ADAMTS1: variants seen among roughly 807,000 people sequenced by gnomAD.
ADAMTS1 encodes the protein ADAM metallopeptidase with thrombospondin type 1 motif 1, also known as A disintegrin and metalloproteinase with thrombospondin motifs 1.
In ADAMTS1, 19 loss-of-function variants were observed where a neutral mutation model predicts 87.9. That is an observed-to-expected ratio of 0.22 (90% CI 0.15 to 0.32). ADAMTS1 has a LOEUF of 0.32. Among genes scored for constraint, ADAMTS1 ranks in the 10% least tolerant of loss-of-function variants. The pLI, the probability that ADAMTS1 is intolerant of heterozygous loss-of-function variation, is 1.00. For missense variants in ADAMTS1, 1,240 were observed against 1,259.1 expected, an observed-to-expected ratio of 0.98 and a Z score of 0.23; for synonymous variants, 542 against 501.8, an observed-to-expected ratio of 1.08 and a Z score of -1.07.
In ADAMTS1 at chr21:26,839,485, T is replaced by C. The variant is rs1985444608; in HGVS notation, c.2028+102A>G. 3.7e-6 allele frequency: 4 copies of C among 1,067,376 alleles called. No homozygotes were observed. In the East Asian group the frequency reaches 1.0e-4, roughly 27 times the overall value. 66.1% of individuals were successfully genotyped at this position (1,067,376 alleles called of 1,614,324 possible). A position where few individuals can be genotyped will look rare whatever the true frequency, so the allele number is the denominator to read the frequency against. On this transcript the variant is annotated intron_variant, in intron 7 of 8. Coordinates refer to ENST00000284984, the MANE Select transcript of ADAMTS1 (RefSeq NM_006988.5). ...AGGAGTTCAAATTTGAAATTGAAGATATGTTAATATGGAAAGCAAAGAAAG... is the reference window on the plus strand; with the variant it reads ...AGGAGTTCAAATTTGAAATTGAAGACATGTTAATATGGAAAGCAAAGAAAG...
Position 26,844,256 on chromosome 21 carries a change from G to T in ADAMTS1, c.699C>A (p.Asp233Glu). Reference sequence around the variant, plus strand: ...GCTGTCCTACGCCTTGCAGTGCCGGGTCCTGCGGCGACCACTGAGCCCCTT... The same window carrying T: ...GCTGTCCTACGCCTTGCAGTGCCGGTTCCTGCGGCGACCACTGAGCCCCTT... The part of the protein sequence containing the change: ...EDEGAQWSPQ[D>E]PALQGVGQPT... Residue 233 changes from aspartate (D) to glutamate (E), a missense_variant, in exon 1 of 9, where the codon GAC (aspartate) becomes GAA (glutamate). Physicochemically the swap from Asp to Glu is conservative, Grantham distance 45. Coordinates refer to ENST00000284984, the MANE Select transcript of ADAMTS1 (RefSeq NM_006988.5). The T allele has an allele frequency of 6.3e-7, 1 of 1,582,234 alleles. No individual in the cohort carries two copies. Among genetic ancestry groups the T allele is most frequent in the Non-Finnish European group, 8.6e-7 (1 of 1,164,524 alleles).
At chr21:26,838,780 T>C (rs960169290) in intron 7 of ADAMTS1, 166 bp from the exon 8 acceptor site, 1 of 631,136 alleles carries the variant, frequency 1.6e-6, no homozygotes, top group Non-Finnish European at 2.7e-6. Flanking sequence ...GGCATATTTT[T>C]CAGTACTACG....
chr21:26,839,598 AAACG>A lies in ADAMTS1; in HGVS notation c.2013_2016del (p.Val672CysfsTer6). ...TAAAAACGAACTACCTTGGGCTGCA[AAACG>A]AAGAAGTAGCCAATGCCTTTGGCTT... is the stretch of plus-strand genomic sequence containing the variant. On this transcript the variant is annotated frameshift_variant, in exon 7 of 9. Transcript: ENST00000284984. LOFTEE classifies it high-confidence loss of function. 6.3e-7 allele frequency: 1 copy of A among 1,599,962 alleles called. No homozygotes were observed. Among genetic ancestry groups the A allele is most frequent in the Non-Finnish European group, 8.5e-7 (1 of 1,169,644 alleles).
intron 2 of ADAMTS1, 131 bp downstream of exon 2, chr21:26,842,208 A>C: frequency 2.9e-6 from 3 of 1,037,506 alleles, no homozygotes; most frequent in Non-Finnish European, 4.1e-6. Flanking sequence ...GAAATGAGTA[A>C]GATAAACCAT....
rs138352610 is a variant in ADAMTS1 at position 26,841,994 on chromosome 21, C to CA, written c.1078-5dup. On this transcript the variant is annotated splice_region_variant and splice_polypyrimidine_tract_variant and intron_variant, in intron 2 of 8. Coordinates refer to ENST00000284984, the MANE Select transcript of ADAMTS1 (RefSeq NM_006988.5). ...ATGTCTGGGACCCACACAAGTCCTA[C>CA]AAAAAGCAAAGGTAAATACTTATTA... is the stretch of plus-strand genomic sequence containing the variant. 3,417 of 1,612,086 alleles carry CA rather than the reference C, an allele frequency of 2.1e-3. 39 individuals carry two copies. The African/African-American group carries it at 0.033, about 16-fold the overall frequency.
At position 26,844,395 on chromosome 21, in the gene ADAMTS1, C is replaced by A; in HGVS notation, c.560G>T (p.Arg187Leu). The A allele has an allele frequency of 1.3e-6, 2 of 1,595,340 alleles. No homozygotes were observed. Among genetic ancestry groups the A allele is most frequent in the Admixed American group, 3.4e-5 (2 of 58,460 alleles). Residue 187 changes from arginine (R) to leucine (L), a missense_variant, in exon 1 of 9, where the codon CGG becomes CTG. Arg to Leu is a moderately radical substitution (Grantham distance 102). This residue lies in a region of ADAMTS1 where 521 missense variants were observed against 449.7 expected (regional missense o/e 1.16). Transcript: ENST00000284984. ...GCCGACGTCGCCCTGCCGATTCCGC[C>A]GCAGGAGGTGGAACTGTAGTGGTGC... ...PPAPLQFHLLRRNRQGDVGGT... is the reference protein window; with the variant it reads ...PPAPLQFHLLLRNRQGDVGGT...
rs1985471086 is a variant in ADAMTS1 at position 26,840,509 on chromosome 21, G to A, written c.1432C>T (p.Pro478Ser). The A allele has an allele frequency of 6.2e-7, 1 of 1,614,252 alleles. No homozygotes were observed. The highest frequency in any genetic ancestry group is 8.5e-7 in the Non-Finnish European group (1 of 1,180,048). ...CGGTTGGCATCGTACGAGGTGCCAG[G>A]GAGATCGCCTGGGAGCTGTATGGGA... The part of the protein sequence containing the change: ...QNPIQLPGDL[P>S]GTSYDANRQC... Residue 478 changes from proline to serine, a missense_variant, in exon 5 of 9, where the codon CCT becomes TCT. Transcript: ENST00000284984.
At position 26,844,550 on chromosome 21, in the gene ADAMTS1, C is replaced by A; in HGVS notation, c.405G>T (p.Ser135=). 6.2e-7 allele frequency: 1 copy of A among 1,608,984 alleles called. No individual in the cohort carries two copies. The highest frequency in any genetic ancestry group is 8.5e-7 in the Non-Finnish European group (1 of 1,178,104). ...YSGTVNGDPS[S]AAALSLCEGV... is the part of the protein sequence containing the mutation. ...CCTCGCAGAGGCTGAGGGCGGCAGC[C>A]GAGCTGGGATCGCCATTCACGGTGC... Residue 135 remains serine, a synonymous_variant, in exon 1 of 9, where the codon TCG becomes TCT. Coordinates refer to ENST00000284984, the MANE Select transcript of ADAMTS1 (RefSeq NM_006988.5).
intron 5 of ADAMTS1, 87 bp from the exon 6 acceptor site, chr21:26,840,148 A>C: frequency 6.5e-7 from 1 of 1,547,166 alleles, no homozygotes; most frequent in South Asian, 1.3e-5. Flanking sequence ...ACAAAGAATC[A>C]GTTCTAAAAA....
chr21:26,843,536 G>A, intron 1 of ADAMTS1: 1 of 470,552 alleles, frequency 2.1e-6, no homozygotes, highest in East Asian at 7.0e-5. Flanking sequence ...GGAAGGACCG[G>A]CAGTGACTTT....
chr21:26,840,081 A>G lies in ADAMTS1; in HGVS notation c.1666-20T>C. ...AGGCGTCTAAATGGAGACATAAATCATCAGCATTAGAATTATCTAAAGAGA... is the reference window on the plus strand; with the variant it reads ...AGGCGTCTAAATGGAGACATAAATCGTCAGCATTAGAATTATCTAAAGAGA... On this transcript the variant is annotated intron_variant, in intron 5 of 8. Transcript: ENST00000284984. 1 of 1,608,718 alleles carries G rather than the reference A, an allele frequency of 6.2e-7. No individual in the cohort carries two copies. The highest frequency in any genetic ancestry group is 1.3e-5 in the African/African-American group (1 of 74,734).
rs1169700811 is a variant in ADAMTS1, at chr21:26,842,439, G to T, written c.977C>A (p.Ala326Asp). 3.7e-6 allele frequency: 6 copies of T among 1,614,020 alleles called. No homozygotes were observed. Among genetic ancestry groups the T allele is most frequent in the Non-Finnish European group, 4.2e-6 (5 of 1,180,048 alleles). The change falls in exon 2 of 9, where the codon GCC becomes GAC. Residue 326 changes from alanine (A) to aspartate (D), a missense_variant. Physicochemically the swap from Ala to Asp is moderately radical, Grantham distance 126 (BLOSUM62 -2). Coordinates refer to ENST00000284984, the MANE Select transcript of ADAMTS1 (RefSeq NM_006988.5). ...GTTGCAAAAGTTCCGCAGAGTGAGG[G>T]CAGCATTGGAGGTCACTTCCGGCCC... Reference protein sequence around the residue: ...QKGPEVTSNAALTLRNFCNWQ... With the variant: ...QKGPEVTSNADLTLRNFCNWQ...
chr21:26,840,591 T>A lies in ADAMTS1; in HGVS notation c.1379-29A>T, dbSNP rs75914252. ...CAAAGGAAATGCCAACCAATATCAATACAGAGTTAGTGAGGGCATGAAGGG... is the reference window on the plus strand; with the variant it reads ...CAAAGGAAATGCCAACCAATATCAAAACAGAGTTAGTGAGGGCATGAAGGG... On this transcript the variant is annotated intron_variant, in intron 4 of 8. Coordinates refer to ENST00000284984, the MANE Select transcript of ADAMTS1 (RefSeq NM_006988.5). 8.8e-4 allele frequency: 1,415 copies of A among 1,606,784 alleles called. 13 individuals are homozygous for A. In the African/African-American group the frequency reaches 0.017, roughly 19 times the overall value.
intron 1 of ADAMTS1, chr21:26,843,740 A>G (rs400852): frequency 0.23 from 112,202 of 498,576 alleles, 13,485 homozygotes; most frequent in South Asian, 0.31. Flanking sequence ...CGCTCAGGGT[A>G]CCTTCCCAGG....
At chr21:26,838,365 C>G in intron 8 of ADAMTS1, 74 bp downstream of exon 8, 1 of 1,584,918 alleles carries the variant, frequency 6.3e-7, no homozygotes, top group African/African-American at 1.4e-5. Flanking sequence ...TTTTATGAGA[C>G]ATATTTTTTT....
chr21:26,842,396 G>C lies in ADAMTS1; in HGVS notation c.1020C>G (p.Asn340Lys). 3.1e-6 allele frequency: 5 copies of C among 1,614,164 alleles called. No individual in the cohort carries two copies. Among genetic ancestry groups the C allele is most frequent in the Non-Finnish European group, 4.2e-6 (5 of 1,180,028 alleles). The change falls in exon 2 of 9, where the codon AAC (asparagine) becomes AAG (lysine). Residue 340 changes from asparagine to lysine, a missense_variant. By Grantham distance (94) the Asn-to-Lys change is moderately conservative. Around this residue, in one of 3 missense-constraint regions of ADAMTS1, gnomAD observed 317 missense variants for 410.3 expected, o/e 0.77. Transcript: ENST00000284984. ...RNFCNWQKQH[N>K]PPSDRDAEHY... ...GCTCTGCATCCCGGTCACTGGGTGG[G>C]TTGTGCTGCTTCTGCCAGTTGCAAA...
At position 26,845,266 on chromosome 21, in the gene ADAMTS1, C is replaced by G; in HGVS notation, c.-312G>C. 1 of 300,932 alleles carries G rather than the reference C, an allele frequency of 3.3e-6. No homozygotes were observed. Among genetic ancestry groups the G allele is most frequent in the Non-Finnish European group, 6.1e-6 (1 of 164,020 alleles). 18.6% of individuals were successfully genotyped at this position (300,932 alleles called of 1,614,324 possible). ...GGGCGCCTCCGGGGCTGAGGCAACG[C>G]GGAGATTGGTGCCTGGCGCCCCTCT... is the stretch of plus-strand genomic sequence containing the variant. On this transcript the variant is annotated 5_prime_UTR_variant, in exon 1 of 9. Coordinates refer to ENST00000284984, the MANE Select transcript of ADAMTS1 (RefSeq NM_006988.5).
rs760773800 is a variant in ADAMTS1 at position 26,844,884 on chromosome 21, G to C, written c.71C>G (p.Ala24Gly). 6.5e-7 allele frequency: 1 copy of C among 1,536,098 alleles called. No homozygotes were observed. Among genetic ancestry groups the C allele is most frequent in the Non-Finnish European group, 8.8e-7 (1 of 1,142,504 alleles). Residue 24 changes from alanine to glycine, a missense_variant, in exon 1 of 9, where the codon GCT becomes GGT. By Grantham distance (60) the Ala-to-Gly change is moderately conservative. Coordinates refer to ENST00000284984, the MANE Select transcript of ADAMTS1 (RefSeq NM_006988.5). ...TGGCCCAAAGCTCCGAGACCCCGGA[G>C]CCCGCTCCGCGTTCCCCATGTCGCT... ...LGSDMGNAER[A>G]PGSRSFGPVP... is the part of the protein sequence containing the mutation.
rs1678363728 is a variant in ADAMTS1 at position 26,837,818 on chromosome 21, C to A, written c.2665G>T (p.Ala889Ser). Reference sequence around the variant, plus strand: ...TTCACTTCCTTTGCACACTCGGAAGCAGGCTGTCCATTAATGTCTCGGCAT... The same window carrying A: ...TTCACTTCCTTTGCACACTCGGAAGAAGGCTGTCCATTAATGTCTCGGCAT... Reference protein sequence around the residue: ...VECRDINGQPASECAKEVKPA... With the variant: ...VECRDINGQPSSECAKEVKPA... Residue 889 changes from alanine to serine, a missense_variant, in exon 9 of 9, where the codon GCT becomes TCT. Around this residue, in one of 3 missense-constraint regions of ADAMTS1, gnomAD observed 402 missense variants for 399.1 expected, o/e 1.01. Transcript: ENST00000284984. 1.2e-6 allele frequency: 2 copies of A among 1,614,194 alleles called. No homozygotes were observed. Among genetic ancestry groups the A allele is most frequent in the Non-Finnish European group, 1.7e-6 (2 of 1,180,030 alleles).
Sources: gnomAD v4.1 joint callset for allele counts on GRCh38, gnomAD v4.1.1 for gene constraint, gnomAD v4.1.1 regional missense constraint, MANE v1.5 for transcripts, NCBI Gene and HGNC (gene_info 2026-07-23, HGNC 2026-07-21) for gene names.